The following RGS6 variants were observed in gnomAD, a reference collection of about 807,000 sequenced individuals.
RGS6 encodes the protein regulator of G protein signaling 6, also known as regulator of G-protein signaling 6.
In RGS6, 30 loss-of-function variants were observed where a neutral mutation model predicts 78.5. The ratio of observed to expected loss-of-function variants is 0.38; its 90% CI spans 0.29 to 0.52. The LOEUF is 0.52. Ranked by LOEUF, RGS6 falls within the 20% of genes least tolerant of loss-of-function variation. RGS6 has a pLI of 0.85. For missense variants in RGS6, 495 were observed against 609.7 expected, an observed-to-expected ratio of 0.81 and a Z score of 1.98; for synonymous variants, 206 against 206.0, an observed-to-expected ratio of 1.00 and a Z score of 0.00.
intron 2 of RGS6, among the ~76,000 whole-genome samples, chr14:72,049,145 A>G (rs2093063638): frequency 6.6e-6 from 1 of 152,228 alleles, no homozygotes; most frequent in Admixed American, 6.5e-5. Flanking sequence ...GGATTGTTCT[A>G]ATTTCAAAAC....
chr14:72,310,055 C>G (rs907423105), intron 2 of RGS6, among the ~76,000 whole-genome samples: 1 of 152,230 alleles, frequency 6.6e-6, no homozygotes, highest in African/African-American at 2.4e-5. Context: ...GCCTCTCAAT[C>G]CTTTCCTCTC....
intron 1 of RGS6, among the ~76,000 whole-genome samples, chr14:71,940,552 T>C (rs550427445): frequency 6.6e-6 from 1 of 152,356 alleles, no homozygotes; most frequent in African/African-American, 2.4e-5. Context: ...GCCAGAGCTC[T>C]ACATGAGTCA....
intron 3 of RGS6, among the ~76,000 whole-genome samples, chr14:72,373,637 G>C (rs1354033452): frequency 6.6e-6 from 1 of 152,128 alleles, no homozygotes; most frequent in East Asian, 1.9e-4. Flanking sequence ...GATGAGTAGG[G>C]GGAGAAGGCT....
intron 2 of RGS6, among the ~76,000 whole-genome samples, chr14:72,109,484 GC>G (rs2095706436): frequency 6.6e-6 from 1 of 152,138 alleles, no homozygotes; most frequent in South Asian, 2.1e-4. Context: ...GAGAGATATA[GC>G]ATTTTTGGAG....
chr14:71,996,508 G>C (rs1303141442), intron 2 of RGS6, among the ~76,000 whole-genome samples: 1 of 152,108 alleles, frequency 6.6e-6, no homozygotes, highest in Non-Finnish European at 1.5e-5. Flanking sequence ...TGGGATCCCA[G>C]AGAGGAAGGA....
chr14:72,209,295 A>T (rs767414614), intron 2 of RGS6, among the ~76,000 whole-genome samples: 1 of 152,252 alleles, frequency 6.6e-6, no homozygotes, highest in Non-Finnish European at 1.5e-5. Flanking sequence ...TGAAAGGCAG[A>T]TAAAAAGTAT....
chr14:71,941,746 T>C (rs912220606), intron 1 of RGS6, among the ~76,000 whole-genome samples: 16 of 152,172 alleles, frequency 1.1e-4, no homozygotes, highest in Admixed American at 1.0e-3. Flanking sequence ...AGATTAAGGG[T>C]GGATCTGCCT....
chr14:72,514,245 A>G (rs1218662955), intron 14 of RGS6, among the ~76,000 whole-genome samples: 3 of 152,212 alleles, frequency 2.0e-5, no homozygotes. Flanking sequence ...AGCAGAGGGC[A>G]TAGAAACACT....
chr14:72,311,136 C>T (rs922887214), intron 2 of RGS6, among the ~76,000 whole-genome samples: 1 of 152,136 alleles, frequency 6.6e-6, no homozygotes, highest in African/African-American at 2.4e-5. Context: ...GGACAATGCA[C>T]CTAAAGTTTT....
the RGS6 span, among the ~76,000 whole-genome samples, chr14:71,891,349 A>G: frequency 6.6e-6 from 1 of 152,180 alleles, no homozygotes; most frequent in African/African-American, 2.4e-5. Context: ...CCTGGACTGC[A>G]GAAACAAGGT....
At chr14:72,049,352 CTT>C (rs1274782492) in intron 2 of RGS6, among the ~76,000 whole-genome samples, 1 of 152,178 alleles carries the variant, frequency 6.6e-6, no homozygotes, top group East Asian at 1.9e-4. Flanking sequence ...TGGCCCCTGG[CTT>C]TACTTGTCCT....
intron 17 of RGS6, among the ~76,000 whole-genome samples, chr14:72,556,731 G>A (rs1366636131): frequency 2.6e-5 from 4 of 151,836 alleles, no homozygotes; most frequent in East Asian, 1.9e-4. Flanking sequence ...AATCCATTAC[G>A]TTTATTTTGA....
chr14:72,076,554 C>G (rs1057315250), intron 2 of RGS6, among the ~76,000 whole-genome samples: 4 of 151,982 alleles, frequency 2.6e-5, no homozygotes, highest in South Asian at 2.1e-4. Context: ...TTTGAGACAG[C>G]GTTTCACTCT....
chr14:72,314,861 A>G (rs746492493), intron 2 of RGS6, among the ~76,000 whole-genome samples: 2 of 152,354 alleles, frequency 1.3e-5, no homozygotes, highest in East Asian at 3.9e-4. Context: ...AATGTGGCTT[A>G]TAGAAAATTT....
chr14:72,468,966 T>G (rs1344055452), intron 7 of RGS6, among the ~76,000 whole-genome samples: 1 of 152,188 alleles, frequency 6.6e-6, no homozygotes, highest in Non-Finnish European at 1.5e-5. Context: ...TGGCATGAGC[T>G]CTATGAAAAT....
chr14:72,182,671 A>C (rs2097189891), intron 2 of RGS6, among the ~76,000 whole-genome samples: 1 of 152,192 alleles, frequency 6.6e-6, no homozygotes, highest in South Asian at 2.1e-4. Flanking sequence ...AAATGAAAAT[A>C]TGATGTTTTT....
At chr14:72,278,830 T>C (rs571721078) in intron 2 of RGS6, among the ~76,000 whole-genome samples, 8 of 152,048 alleles carry the variant, frequency 5.3e-5, no homozygotes, top group Non-Finnish European at 1.2e-4. Flanking sequence ...ACACATTTAT[T>C]CTCTCATACT....
At chr14:72,404,861 T>C (rs548803054) in intron 3 of RGS6, among the ~76,000 whole-genome samples, 20 of 152,088 alleles carry the variant, frequency 1.3e-4, no homozygotes, top group Non-Finnish European at 2.9e-4. Flanking sequence ...TGGCACCCAC[T>C]GTAAGAGAAC....
intron 2 of RGS6, among the ~76,000 whole-genome samples, chr14:72,060,072 G>A (rs1373331246): frequency 6.6e-6 from 1 of 152,274 alleles, no homozygotes; most frequent in Non-Finnish European, 1.5e-5. Flanking sequence ...ATGCATCGGG[G>A]TTCGTCTCTA....
Sources: allele counts gnomAD v4.1 joint callset (sites outside exome capture counted in the v4.1 genomes callset), GRCh38; gene constraint gnomAD v4.1.1; transcripts MANE v1.5; gene names NCBI Gene and HGNC (gene_info 2026-07-23, HGNC 2026-07-21).